Variants in ERCC6L2 observed in about 807,000 individuals in gnomAD.
The protein encoded by ERCC6L2 is ERCC excision repair 6 like 2.
A neutral mutation model predicts 132.0 loss-of-function variants in ERCC6L2; 77 were observed. The observed-to-expected ratio is 0.58, with a 90% CI of 0.49 to 0.71. ERCC6L2 has a LOEUF of 0.71. Among genes scored for constraint, ERCC6L2 ranks in the 30% least tolerant of loss-of-function variants. The pLI is 0.00. For missense variants in ERCC6L2, 1,542 were observed against 1,837.6 expected (o/e 0.84, Z 2.94); for synonymous variants, 583 against 632.4 (o/e 0.92, Z 1.17).
chr9:95,917,788 C>A (rs1222886297), intron 6 of ERCC6L2, among the ~76,000 whole-genome samples: 1 of 152,286 alleles, frequency 6.6e-6, no homozygotes, highest in East Asian at 1.9e-4. Context: ...TTGTGAGGCC[C>A]TGGAACCTGG....
At chr9:95,982,749 C>CATAAAAAA (rs2090890949) in intron 17 of ERCC6L2, among the ~76,000 whole-genome samples, 1 of 151,818 alleles carries the variant, frequency 6.6e-6, no homozygotes, top group Admixed American at 6.6e-5. Context: ...GGTATTGACA[C>CATAAAAAA]GAAAAAGGTT....
chr9:96,020,546 A>G (rs576172752), downstream of ERCC6L2: 1 of 353,202 alleles, frequency 2.8e-6, no homozygotes, highest in African/African-American at 2.1e-5. Context: ...CCCTTAGGGC[A>G]CAGCCATATG....
chr9:96,004,874 A>G, intron 18 of ERCC6L2, 173 bp downstream of exon 18: 1 of 372,216 alleles, frequency 2.7e-6, no homozygotes, highest in Non-Finnish European at 5.1e-6. Context: ...TAGAAGGCTA[A>G]TCCCTGAATT....
chr9:95,970,568 C>T lies in ERCC6L2; in HGVS notation c.2101-8C>T. 1 of 1,301,160 alleles carries T rather than the reference C, an allele frequency of 7.7e-7. No individual in the cohort carries two copies. The highest frequency in any genetic ancestry group is 1.0e-6 in the Non-Finnish European group (1 of 986,716). 80.6% of individuals were successfully genotyped at this position (1,301,160 alleles called of 1,614,324 possible). A position where few individuals can be genotyped will look rare whatever the true frequency, so the allele number is the denominator to read the frequency against. On this transcript the variant is annotated splice_region_variant and splice_polypyrimidine_tract_variant and intron_variant, in intron 14 of 18. Transcript: ENST00000653738. ...AGCTATTTGCATTCTTTCTTACTGA[C>T]ATTATAGAGAGAAGGCCAAGTAGAA...
chr9:95,938,704 G>A (rs690056), intron 11 of ERCC6L2, among the ~76,000 whole-genome samples: 2 of 151,828 alleles, frequency 1.3e-5, no homozygotes, highest in Non-Finnish European at 2.9e-5. Context: ...CAGCCTAGCT[G>A]TGTCATCATA....
At chr9:95,994,421 A>T (rs1833405503) in intron 17 of ERCC6L2, among the ~76,000 whole-genome samples, 1 of 152,142 alleles carries the variant, frequency 6.6e-6, no homozygotes, top group Non-Finnish European at 1.5e-5. Context: ...AGGCCTAATC[A>T]TCTGGTTATG....
intron 18 of ERCC6L2, among the ~76,000 whole-genome samples, chr9:96,006,432 G>GGAAGC (rs1369553486): frequency 6.6e-6 from 1 of 152,246 alleles, no homozygotes; most frequent in Non-Finnish European, 1.5e-5. Context: ...GAGCAGCCTG[G>GGAAGC]GAAGCAGTGC....
intron 12 of ERCC6L2, among the ~76,000 whole-genome samples, chr9:95,948,340 T>C (rs1021594810): frequency 2.6e-5 from 4 of 152,234 alleles, no homozygotes; most frequent in African/African-American, 9.6e-5. Context: ...TGTGACTAAA[T>C]TGTTGCAATC....
At chr9:95,932,252 G>A (rs1014325573) in intron 11 of ERCC6L2, among the ~76,000 whole-genome samples, 3 of 152,002 alleles carry the variant, frequency 2.0e-5, no homozygotes, top group Non-Finnish European at 4.4e-5. Context: ...TTTTAGTAGA[G>A]ACAGGATTTC....
intron 16 of ERCC6L2, 26 bp from the exon 17 acceptor site, chr9:95,978,035 C>A: frequency 7.4e-7 from 1 of 1,349,262 alleles, no homozygotes; most frequent in Non-Finnish European, 9.9e-7. Flanking sequence ...TGATACATCA[C>A]TTAATAAACA....
chr9:95,904,604 G>T (rs1255510082), intron 3 of ERCC6L2, among the ~76,000 whole-genome samples: 1 of 152,080 alleles, frequency 6.6e-6, no homozygotes, highest in Non-Finnish European at 1.5e-5. Flanking sequence ...CTGTGTTTCT[G>T]GGTAAAGTCC....
chr9:95,915,656 C>T lies in ERCC6L2; in HGVS notation c.789-12C>T, dbSNP rs1383090050. The T allele has an allele frequency of 6.3e-6, 10 of 1,586,556 alleles. No individual in the cohort carries two copies. The Admixed American group carries it at 7.4e-5, about 12-fold the overall frequency. On this transcript the variant is annotated splice_polypyrimidine_tract_variant and intron_variant, in intron 4 of 18. Transcript: ENST00000653738. ...TTTCTCAACCTCACCCTTCTTTTTT[C>T]TTACTTTATAGTTTGGAATGGTCAG...
chr9:95,996,613 T>A (rs2133175955), intron 17 of ERCC6L2, among the ~76,000 whole-genome samples: 2 of 152,344 alleles, frequency 1.3e-5, no homozygotes, highest in South Asian at 4.1e-4. Flanking sequence ...AAGCCAGTGA[T>A]AATTTACCAT....
rs1832327959 is a variant in ERCC6L2 at position 95,969,716 on chromosome 9, AGAATAAAGGACTT to A, written c.2101-858_2101-846del. Among the ~76,000 whole-genome samples the A allele has an allele frequency of 3.3e-5, 5 of 152,270 alleles. No homozygotes were observed. In the South Asian group the frequency reaches 1.0e-3, roughly 32 times the overall value. On this transcript the variant is annotated intron_variant, in intron 14 of 18. Coordinates refer to ENST00000653738, the MANE Select transcript of ERCC6L2 (RefSeq NM_020207.7). Reference sequence around the variant, plus strand: ...TTGCTGTAATAGCTTCCAGGCATGGAGAATAAAGGACTTGCAGCAGTTCAGAAACTATCATTCC... The same window carrying A: ...TTGCTGTAATAGCTTCCAGGCATGGAGCAGCAGTTCAGAAACTATCATTCC...
Position 95,955,908 on chromosome 9 carries a change from T to A in ERCC6L2, c.1848-6T>A, listed in dbSNP as rs1831575590. On this transcript the variant is annotated splice_polypyrimidine_tract_variant and splice_region_variant and intron_variant, in intron 12 of 18. Coordinates refer to ENST00000653738, the MANE Select transcript of ERCC6L2 (RefSeq NM_020207.7). Reference sequence around the variant, plus strand: ...ATTTTTGTTTGTATTTTTAATCCTTTTACAGAGCATATAGGATTGGACAAT... The same window carrying A: ...ATTTTTGTTTGTATTTTTAATCCTTATACAGAGCATATAGGATTGGACAAT... 1 of 1,550,306 alleles carries A rather than the reference T, an allele frequency of 6.5e-7. No individual in the cohort carries two copies. Among genetic ancestry groups the A allele is most frequent in the African/African-American group, 1.4e-5 (1 of 72,286 alleles).
At chr9:95,974,932 A>G (rs933653832) in intron 16 of ERCC6L2, among the ~76,000 whole-genome samples, 9 of 152,074 alleles carry the variant, frequency 5.9e-5, no homozygotes, top group Non-Finnish European at 1.2e-4. Context: ...TACCATTTCT[A>G]CAATATTGAT....
In ERCC6L2 at chr9:96,015,200, T is replaced by C. The variant is rs1443969115; in HGVS notation, c.*1997T>C. Among the ~76,000 whole-genome samples, 2 of 150,846 alleles carry C rather than the reference T, an allele frequency of 1.3e-5. No homozygotes were observed. Among genetic ancestry groups the C allele is most frequent in the African/African-American group, 2.4e-5 (1 of 41,098 alleles). Reference sequence around the variant, plus strand: ...CACACTCAGCTAAACATTTTTTTTTTTTTTTGAGACGGAGTCTCACTCTGT... The same window carrying C: ...CACACTCAGCTAAACATTTTTTTTTCTTTTTGAGACGGAGTCTCACTCTGT... On this transcript the variant is annotated 3_prime_UTR_variant, in exon 19 of 19. Coordinates refer to ENST00000653738, the MANE Select transcript of ERCC6L2 (RefSeq NM_020207.7).
In ERCC6L2 at chr9:95,991,633, G is replaced by A. The variant is rs538362169; in HGVS notation, c.3493-12887G>A. ...CCAGTGATAAAATTCAAGCTTTCAA[G>A]TGAAAGTTAAAATACTGAAAAGCTT... is the stretch of plus-strand genomic sequence containing the variant. On this transcript the variant is annotated intron_variant, in intron 17 of 18. Coordinates refer to ENST00000653738, the MANE Select transcript of ERCC6L2 (RefSeq NM_020207.7). Among the ~76,000 whole-genome samples the A allele has an allele frequency of 5.9e-5, 9 of 152,318 alleles. No homozygotes were observed. The East Asian group carries it at 1.2e-3, about 20-fold the overall frequency.
chr9:96,027,551 G>C (rs1834396430), intron 19 of ERCC6L2: 1 of 152,158 alleles, frequency 6.6e-6, no homozygotes, highest in Non-Finnish European at 1.5e-5. Flanking sequence ...CCGCGTGGAG[G>C]CTGCAGCCCC....
Sources: allele counts gnomAD v4.1 joint callset (sites outside exome capture counted in the v4.1 genomes callset), GRCh38; gene constraint gnomAD v4.1.1; transcripts MANE v1.5; gene names NCBI Gene and HGNC (gene_info 2026-07-23, HGNC 2026-07-21).